Variants in ASTN2 observed in about 807,000 individuals in gnomAD.
ASTN2 encodes astrotactin-2.
In ASTN2, 54 loss-of-function variants were observed where a neutral mutation model predicts 139.8. That is an observed-to-expected ratio of 0.39 (90% CI 0.31 to 0.48). The LOEUF (loss-of-function observed/expected upper bound fraction) is 0.48, where lower values mean the gene tolerates loss of function less well. Among genes scored for constraint, ASTN2 ranks in the 20% least tolerant of loss-of-function variants. The pLI, the probability that ASTN2 is intolerant of heterozygous loss-of-function variation, is 0.95. For missense variants in ASTN2, 1,565 were observed against 1,725.1 expected (o/e 0.91, Z 1.64); for synonymous variants, 756 against 719.5 (o/e 1.05, Z -0.81).
intron 10 of ASTN2, among the ~76,000 whole-genome samples, chr9:116,886,192 T>G (rs1361280812): frequency 6.6e-6 from 1 of 152,198 alleles, no homozygotes; most frequent in African/African-American, 2.4e-5. Flanking sequence ...CAGGTCTGGT[T>G]TGCTCTGTCA....
At chr9:116,687,501 TGG>T (rs1860318935) in intron 16 of ASTN2, 2 of 48,676 alleles carry the variant, frequency 4.1e-5, no homozygotes, top group African/African-American at 1.6e-4. Context: ...TGGCAGGGTG[TGG>T]GGACCGGATC....
chr9:117,308,148 G>A lies in ASTN2; in HGVS notation c.443-16635C>T, dbSNP rs530121850. Among the ~76,000 whole-genome samples, 10 of 152,278 alleles carry A rather than the reference G, an allele frequency of 6.6e-5. 1 individual carries two copies. In the South Asian group the frequency reaches 2.1e-3, roughly 32 times the overall value. ...CCAGTGACCTTCCTCTGGGACTCTG[G>A]CTTCCACACACCATGCAGGAAACCT... On this transcript the variant is annotated intron_variant, in intron 1 of 22. Transcript: ENST00000313400.
intron 6 of ASTN2, among the ~76,000 whole-genome samples, chr9:117,011,976 T>A (rs1837549821): frequency 6.6e-6 from 1 of 152,160 alleles, no homozygotes; most frequent in Admixed American, 6.6e-5. Flanking sequence ...GTTGGAGGGC[T>A]TTTGCTTTCT....
chr9:116,951,120 C>T (rs1378839767), intron 10 of ASTN2, among the ~76,000 whole-genome samples: 1 of 151,830 alleles, frequency 6.6e-6, no homozygotes, highest in Non-Finnish European at 1.5e-5. Flanking sequence ...GGTGGATCAC[C>T]TGAGGTCTGG....
At chr9:117,146,989 A>G (rs1432622742) in intron 3 of ASTN2, among the ~76,000 whole-genome samples, 1 of 152,214 alleles carries the variant, frequency 6.6e-6, no homozygotes, top group Non-Finnish European at 1.5e-5. Context: ...CATTATGAGC[A>G]TATATCAAAA....
chr9:117,345,510 A>G (rs1829188521), intron 1 of ASTN2, among the ~76,000 whole-genome samples: 1 of 152,192 alleles, frequency 6.6e-6, no homozygotes, highest in Admixed American at 6.5e-5. Flanking sequence ...CTGTGGCTCA[A>G]AGAGATGACG....
intron 19 of ASTN2, among the ~76,000 whole-genome samples, chr9:116,572,125 C>T (rs1168092202): frequency 6.6e-6 from 1 of 152,100 alleles, no homozygotes; most frequent in East Asian, 1.9e-4. Context: ...TGTGTCTCTG[C>T]CTCTGTGAAA....
chr9:117,296,518 C>A (rs1834741663), intron 1 of ASTN2, among the ~76,000 whole-genome samples: 1 of 152,248 alleles, frequency 6.6e-6, no homozygotes, highest in Admixed American at 6.5e-5. Context: ...TGCATTTTCC[C>A]TTTTCTCTTC....
At chr9:116,970,361 A>C (rs963496898) in intron 10 of ASTN2, among the ~76,000 whole-genome samples, 111 of 152,336 alleles carry the variant, frequency 7.3e-4, no homozygotes, top group African/African-American at 2.6e-3. Flanking sequence ...TCCAGGGAAT[A>C]CACTTTGAAA....
intron 5 of ASTN2, among the ~76,000 whole-genome samples, chr9:117,077,410 GAGCTATAAAGTAAGTA>G (rs936327314): frequency 1.3e-4 from 20 of 152,198 alleles, no homozygotes; most frequent in Non-Finnish European, 2.1e-4. Flanking sequence ...GTTAAATGAG[GAGCTATAAAGTAAGTA>G]AGCTATAAGG....
At chr9:116,711,892 C>A (rs546521765) in intron 16 of ASTN2, among the ~76,000 whole-genome samples, 94 of 152,188 alleles carry the variant, frequency 6.2e-4, no homozygotes, top group Non-Finnish European at 1.1e-3. Flanking sequence ...ATCCTCCTAA[C>A]TCTAATCTAG....
chr9:117,244,347 A>G (rs190260244), intron 2 of ASTN2, among the ~76,000 whole-genome samples: 208 of 152,212 alleles, frequency 1.4e-3, no homozygotes, highest in African/African-American at 4.8e-3. Context: ...GTACATATAC[A>G]TACTAGGAGA....
chr9:116,816,083 G>A (rs1831319774), intron 12 of ASTN2, among the ~76,000 whole-genome samples: 1 of 152,018 alleles, frequency 6.6e-6, no homozygotes, highest in African/African-American at 2.4e-5. Flanking sequence ...TTGAGCTTCT[G>A]AAACCATTTT....
At chr9:116,654,218 G>GA (rs1858083843) in intron 16 of ASTN2, among the ~76,000 whole-genome samples, 1 of 152,184 alleles carries the variant, frequency 6.6e-6, no homozygotes, top group Non-Finnish European at 1.5e-5. Flanking sequence ...TGTAAATAAA[G>GA]TTTTATTGGA....
chr9:117,100,123 T>C (rs1460654908), intron 4 of ASTN2, among the ~76,000 whole-genome samples: 2 of 152,242 alleles, frequency 1.3e-5, no homozygotes, highest in African/African-American at 4.8e-5. Flanking sequence ...GTAGGAACTC[T>C]AATCAGGCTT....
chr9:117,165,801 A>G (rs1294237106), intron 3 of ASTN2, among the ~76,000 whole-genome samples: 1 of 152,132 alleles, frequency 6.6e-6, no homozygotes, highest in Non-Finnish European at 1.5e-5. Flanking sequence ...AAATGAAATA[A>G]TACCACCTCC....
intron 4 of ASTN2, among the ~76,000 whole-genome samples, chr9:117,139,989 C>T (rs1241650657): frequency 6.6e-6 from 1 of 152,180 alleles, no homozygotes; most frequent in African/African-American, 2.4e-5. Flanking sequence ...TCCCTGGCCC[C>T]ACCACTTACT....
intron 5 of ASTN2, among the ~76,000 whole-genome samples, chr9:117,064,258 A>T (rs1189110312): frequency 1.3e-5 from 2 of 152,160 alleles, no homozygotes; most frequent in Non-Finnish European, 2.9e-5. Flanking sequence ...TGGGATGGCC[A>T]GTGCTTCCTC....
intron 4 of ASTN2, among the ~76,000 whole-genome samples, chr9:117,096,909 A>G (rs73657635): frequency 6.6e-6 from 1 of 152,336 alleles, no homozygotes; most frequent in African/African-American, 2.4e-5. Context: ...GTGGGCAGTC[A>G]GGGGCAACAT....
Sources: allele counts gnomAD v4.1 joint callset (sites outside exome capture counted in the v4.1 genomes callset), GRCh38; gene constraint gnomAD v4.1.1; transcripts MANE v1.5; gene names NCBI Gene and HGNC (gene_info 2026-07-23, HGNC 2026-07-21).